PACRG: variants seen among roughly 807,000 people sequenced by gnomAD.
PACRG encodes the protein parkin coregulated gene protein.
In PACRG, 29 loss-of-function variants were observed where a neutral mutation model predicts 29.7. That is an observed-to-expected ratio of 0.98 (90% CI 0.73 to 1.33). The LOEUF (loss-of-function observed/expected upper bound fraction) is 1.33. PACRG is among the 40% of genes most tolerant of loss of function. PACRG has a pLI of 0.00. For synonymous variants in PACRG, 116 were observed against 118.7 expected, an observed-to-expected ratio of 0.98 and a Z score of 0.15; for missense variants, 279 against 316.2, an observed-to-expected ratio of 0.88 and a Z score of 0.89.
rs558029526 is a variant in PACRG at position 162,811,031 on chromosome 6, G to A, written c.157-3116G>A. On this transcript the variant is annotated intron_variant, in intron 1 of 4. Coordinates refer to ENST00000366888, the MANE Select transcript of PACRG (RefSeq NM_001080379.2). ...TGAAAATTAAAGACAGAGAAAAATC[G>A]TGGCATAACTAAAAAAAAGTGGCAC... 3.9e-5 allele frequency among the ~76,000 whole-genome samples: 6 copies of A among 152,152 alleles called. No individual in the cohort carries two copies. The South Asian group carries it at 1.0e-3, about 26-fold the overall frequency.
chr6:163,248,769 C>G lies in PACRG; in HGVS notation c.614-66058C>G, dbSNP rs188021119. ...GACCCTCTGTCCACTTAAGACGAAG[C>G]TGAGGGAGGCCAAGGCGGCCAGATC... On this transcript the variant is annotated intron_variant, in intron 4 of 4. Coordinates refer to ENST00000366888, the MANE Select transcript of PACRG (RefSeq NM_001080379.2). 1.9e-3 allele frequency among the ~76,000 whole-genome samples: 291 copies of G among 152,206 alleles called. 1 individual carries two copies. Among genetic ancestry groups the G allele is most frequent in the African/African-American group, 6.7e-3 (277 of 41,514 alleles).
At chr6:163,138,129 A>G (rs1817011648) in intron 4 of PACRG, among the ~76,000 whole-genome samples, 1 of 152,256 alleles carries the variant, frequency 6.6e-6, no homozygotes, top group South Asian at 2.1e-4. Context: ...AAATCGAGTT[A>G]CAAACCTGTC....
At chr6:163,311,379 TC>T (rs1392733025) in intron 4 of PACRG, among the ~76,000 whole-genome samples, 2 of 152,260 alleles carry the variant, frequency 1.3e-5, no homozygotes, top group African/African-American at 4.8e-5. Flanking sequence ...AGTGTCATTT[TC>T]CTAATCAGAA....
chr6:163,053,006 A>G (rs1311379486), intron 2 of PACRG, among the ~76,000 whole-genome samples: 1 of 152,164 alleles, frequency 6.6e-6, no homozygotes, highest in Non-Finnish European at 1.5e-5. Context: ...TATAATTTTA[A>G]CTGATATGTC....
chr6:162,897,306 T>C (rs1795243551), intron 2 of PACRG, among the ~76,000 whole-genome samples: 1 of 152,248 alleles, frequency 6.6e-6, no homozygotes, highest in Admixed American at 6.5e-5. Context: ...ATTATCTTTC[T>C]GCTTTTTTCT....
At chr6:163,131,104 G>A (rs1269477020) in intron 4 of PACRG, among the ~76,000 whole-genome samples, 5 of 151,970 alleles carry the variant, frequency 3.3e-5, no homozygotes, top group Admixed American at 6.6e-5. Context: ...TCAGGAGATC[G>A]AGACCATCCT....
intron 4 of PACRG, among the ~76,000 whole-genome samples, chr6:163,202,067 C>A (rs931088500): frequency 5.9e-5 from 9 of 152,148 alleles, no homozygotes; most frequent in African/African-American, 1.9e-4. Context: ...AACGCGGGGA[C>A]CTGAGCAGGC....
At chr6:163,285,919 G>A (rs1291330026) in intron 4 of PACRG, among the ~76,000 whole-genome samples, 1 of 144,640 alleles carries the variant, frequency 6.9e-6, no homozygotes, top group Non-Finnish European at 1.6e-5. Context: ...GGAAGGGACT[G>A]AATGACTCCA....
chr6:163,066,181 T>A (rs1811526865), intron 3 of PACRG, among the ~76,000 whole-genome samples: 1 of 152,162 alleles, frequency 6.6e-6, no homozygotes, highest in Admixed American at 6.5e-5. Flanking sequence ...CCTTCAAACG[T>A]CTGGACAGGG....
intron 1 of PACRG, among the ~76,000 whole-genome samples, chr6:162,728,673 A>G (rs758767510): frequency 7.9e-4 from 120 of 152,124 alleles, no homozygotes; most frequent in Non-Finnish European, 1.3e-3. Context: ...TATTTACACG[A>G]GGAAAAAAGA....
In PACRG at chr6:163,130,037, C is replaced by T. The variant is rs146744990; in HGVS notation, c.613+40629C>T. On this transcript the variant is annotated intron_variant, in intron 4 of 4. Coordinates refer to ENST00000366888, the MANE Select transcript of PACRG (RefSeq NM_001080379.2). ...GTACCTCATGTGTCTCTTATGGTTC[C>T]TGGGGACATAGTGGGACAAAAGAAG... Among the ~76,000 whole-genome samples, 44 of 152,242 alleles carry T rather than the reference C, an allele frequency of 2.9e-4. No homozygotes were observed. In the East Asian group the frequency reaches 6.8e-3, roughly 23 times the overall value.
intron 2 of PACRG, among the ~76,000 whole-genome samples, chr6:162,986,324 A>G (rs1022672901): frequency 6.6e-6 from 1 of 152,230 alleles, no homozygotes; most frequent in East Asian, 1.9e-4. Flanking sequence ...CTATAAGGCC[A>G]TAGTCACCAA....
intron 4 of PACRG, among the ~76,000 whole-genome samples, chr6:163,293,832 C>T (rs772990148): frequency 6.6e-6 from 1 of 151,994 alleles, no homozygotes; most frequent in Non-Finnish European, 1.5e-5. Context: ...CAGAAGAAAG[C>T]ATATGTTTTT....
At chr6:163,101,310 A>G (rs991184335) in intron 4 of PACRG, 3 of 983,010 alleles carry the variant, frequency 3.1e-6, no homozygotes, top group Middle Eastern at 5.2e-4. Context: ...TTTTCCCACT[A>G]TTTTAAGCTT....
chr6:163,211,277 A>G (rs1781128961), intron 4 of PACRG, among the ~76,000 whole-genome samples: 1 of 152,212 alleles, frequency 6.6e-6, no homozygotes, highest in South Asian at 2.1e-4. Flanking sequence ...AATCCTGTGT[A>G]CTATTCCATC....
intron 4 of PACRG, among the ~76,000 whole-genome samples, chr6:163,125,782 A>G (rs1298767172): frequency 3.3e-5 from 5 of 152,246 alleles, no homozygotes; most frequent in African/African-American, 1.2e-4. Flanking sequence ...CTAAGTGTGT[A>G]TACCATTCAA....
intron 4 of PACRG, among the ~76,000 whole-genome samples, chr6:163,197,266 T>C (rs1437078064): frequency 6.6e-6 from 1 of 152,128 alleles, no homozygotes; most frequent in African/African-American, 2.4e-5. Context: ...TGGATATTGT[T>C]GGTGCTTTCA....
intron 2 of PACRG, among the ~76,000 whole-genome samples, chr6:162,922,167 A>G (rs1367039294): frequency 6.6e-6 from 1 of 151,390 alleles, no homozygotes; most frequent in Non-Finnish European, 1.5e-5. Context: ...CCGCCTTATC[A>G]GCATGTAGGT....
chr6:162,777,490 C>G lies in PACRG; in HGVS notation c.157-36657C>G, dbSNP rs370227463. Among the ~76,000 whole-genome samples, 1 of 152,186 alleles carries G rather than the reference C, an allele frequency of 6.6e-6. No individual in the cohort carries two copies. Among genetic ancestry groups the G allele is most frequent in the East Asian group, 1.9e-4 (1 of 5,188 alleles). ...TCAGACCAGGCCATGCTACCCTGTC[C>G]TTTCAGGGCTTACAGAGACTTTGGT... On this transcript the variant is annotated intron_variant, in intron 1 of 4. Transcript: ENST00000366888. The surrounding 1 kb of genome is among the most constrained non-coding windows in gnomAD (Gnocchi z 4.0).
Sources: allele counts gnomAD v4.1 joint callset (sites outside exome capture counted in the v4.1 genomes callset), GRCh38; gene constraint gnomAD v4.1.1; non-coding constraint Gnocchi (gnomAD v3.1); transcripts MANE v1.5; gene names NCBI Gene and HGNC (gene_info 2026-07-23, HGNC 2026-07-21).